IKZF1: variants seen among roughly 807,000 people sequenced by gnomAD.
IKZF1 encodes the protein DNA-binding protein Ikaros.
In IKZF1, 10 loss-of-function variants were observed where a neutral mutation model predicts 51.7. The observed-to-expected ratio is 0.19, with a 90% CI of 0.12 to 0.33. IKZF1 has a LOEUF of 0.33. Ranked by LOEUF, IKZF1 falls within the 10% of genes least tolerant of loss-of-function variation. The pLI, the probability that IKZF1 is intolerant of heterozygous loss-of-function variation, is 1.00. For missense variants in IKZF1, 484 were observed against 707.5 expected (o/e 0.68, Z 3.58); for synonymous variants, 280 against 282.3 (o/e 0.99, Z 0.08).
At chr7:50,353,480 C>A (rs1802404895) in intron 3 of IKZF1, among the ~76,000 whole-genome samples, 1 of 152,156 alleles carries the variant, frequency 6.6e-6, no homozygotes, top group African/African-American at 2.4e-5. Flanking sequence ...AAAGAAGTTG[C>A]CCTCCTCCCT....
At chr7:50,312,398 A>G (rs180829767) in intron 1 of IKZF1, among the ~76,000 whole-genome samples, 2 of 152,316 alleles carry the variant, frequency 1.3e-5, no homozygotes, top group African/African-American at 4.8e-5. Flanking sequence ...GAGACAATAC[A>G]ATATGCCTGT....
chr7:50,355,511 G>T (rs1473009856), intron 3 of IKZF1, among the ~76,000 whole-genome samples: 1 of 152,164 alleles, frequency 6.6e-6, no homozygotes. Context: ...TGGAAACCCT[G>T]TGCCCACTGG....
chr7:50,366,852 G>A (rs1379707495), intron 3 of IKZF1, among the ~76,000 whole-genome samples: 1 of 152,194 alleles, frequency 6.6e-6, no homozygotes, highest in Non-Finnish European at 1.5e-5. Context: ...TTGTAAAACT[G>A]GCTGCTTGCA....
intron 3 of IKZF1, among the ~76,000 whole-genome samples, chr7:50,329,655 A>G (rs1274237906): frequency 6.6e-6 from 1 of 152,204 alleles, no homozygotes; most frequent in Non-Finnish European, 1.5e-5. Context: ...TTAGTCCCTG[A>G]AGCACCCAGC....
At chr7:50,320,385 A>G (rs1714375058) in intron 2 of IKZF1, among the ~76,000 whole-genome samples, 1 of 152,232 alleles carries the variant, frequency 6.6e-6, no homozygotes, top group African/African-American at 2.4e-5. Context: ...TAATCGGATC[A>G]GGTAAATCAG....
intron 3 of IKZF1, among the ~76,000 whole-genome samples, chr7:50,365,999 A>G (rs369447016): frequency 2.0e-5 from 3 of 152,320 alleles, no homozygotes; most frequent in East Asian, 3.9e-4. Flanking sequence ...GCTGGAGGCC[A>G]TTATCCTTAG....
rs751434569 is a variant in IKZF1, at chr7:50,400,309, G to A, written c.1242G>A (p.Leu414=). Residue 414 remains leucine, a synonymous_variant, in exon 8 of 8, where the codon CTG becomes CTA. Transcript: ENST00000331340. This position sits in a 1 kb window ranked among gnomAD's most constrained non-coding sequence, Gnocchi z 5.4. ...NEEQRSGLIY[L]TNHIAPHARN... ...AGCAGCGCAGCGGTCTCATCTACCT[G>A]ACCAACCACATCGCCCCGCACGCGC... 1.2e-6 allele frequency: 2 copies of A among 1,612,780 alleles called. No homozygotes were observed. Among genetic ancestry groups the A allele is most frequent in the South Asian group, 1.1e-5 (1 of 91,054 alleles).
At chr7:50,392,145 G>A (rs373952011) in intron 7 of IKZF1, among the ~76,000 whole-genome samples, 12 of 152,278 alleles carry the variant, frequency 7.9e-5, no homozygotes, top group African/African-American at 2.4e-4. Context: ...CTGCACCAGC[G>A]TGCACAGGGT....
At chr7:50,342,921 A>T (rs1218284316) in intron 3 of IKZF1, among the ~76,000 whole-genome samples, 1 of 152,226 alleles carries the variant, frequency 6.6e-6, no homozygotes, top group Non-Finnish European at 1.5e-5. Flanking sequence ...AAAAAGGCAC[A>T]GATTCGTCAT....
chr7:50,329,246 C>T (rs955370677), intron 3 of IKZF1, among the ~76,000 whole-genome samples: 1 of 150,868 alleles, frequency 6.6e-6, no homozygotes, highest in African/African-American at 2.4e-5. Context: ...TAGATGAATC[C>T]AGAAAACAAG....
rs192102690 is a variant in IKZF1 at position 50,369,119 on chromosome 7, T to C, written c.161-7414T>C. 499 of 234,042 alleles carry C rather than the reference T, an allele frequency of 2.1e-3. 2 individuals carry two copies. The highest frequency in any genetic ancestry group is 1.7e-3 in the Non-Finnish European group (206 of 119,198). 14.5% of individuals were successfully genotyped at this position (234,042 alleles called of 1,614,324 possible). A position where few individuals can be genotyped will look rare whatever the true frequency, so the allele number is the denominator to read the frequency against. ...CTTGATACCTACTTTTTGAGATGTA[T>C]ATGTATGTACTTGTAAATGCTTATA... is the stretch of plus-strand genomic sequence containing the variant. On this transcript the variant is annotated intron_variant, in intron 3 of 7. Coordinates refer to ENST00000331340, the MANE Select transcript of IKZF1 (RefSeq NM_006060.6).
At chr7:50,309,560 A>G (rs1409178315) in intron 1 of IKZF1, among the ~76,000 whole-genome samples, 1 of 152,194 alleles carries the variant, frequency 6.6e-6, no homozygotes, top group African/African-American at 2.4e-5. Context: ...CCTTACACAT[A>G]TTGAAGTAGA....
At chr7:50,333,174 A>T (rs1796795637) in intron 3 of IKZF1, among the ~76,000 whole-genome samples, 1 of 151,930 alleles carries the variant, frequency 6.6e-6, no homozygotes, top group African/African-American at 2.4e-5. Flanking sequence ...AATCTTTTTT[A>T]TTCATTCAAT....
chr7:50,367,315 CGTGTGTGTGTGTGT>C (rs143406270), intron 3 of IKZF1, among the ~76,000 whole-genome samples: 2 of 150,468 alleles, frequency 1.3e-5, no homozygotes, highest in African/African-American at 2.4e-5. Context: ...AAAGATTGTG[CGTGTGTGTGTGTGT>C]GTGTACACAT....
chr7:50,378,974 G>C (rs1023234178), intron 4 of IKZF1, among the ~76,000 whole-genome samples: 2 of 152,232 alleles, frequency 1.3e-5, no homozygotes. Flanking sequence ...CATTTTCCTG[G>C]GATCTGAGTG....
chr7:50,317,580 CT>C (rs1425414305), intron 1 of IKZF1, among the ~76,000 whole-genome samples: 2 of 152,218 alleles, frequency 1.3e-5, no homozygotes, highest in East Asian at 3.9e-4. Context: ...AATACTTTTT[CT>C]GTACAGTGGC....
At chr7:50,399,843 T>C in intron 7 of IKZF1, 75 bp from the exon 8 acceptor site, 2 of 1,519,004 alleles carry the variant, frequency 1.3e-6, no homozygotes, top group Non-Finnish European at 8.8e-7. Flanking sequence ...CGGTTGTAGA[T>C]TTCAGCTGTT....
intron 3 of IKZF1, among the ~76,000 whole-genome samples, chr7:50,362,550 CT>C (rs1467085759): frequency 6.6e-6 from 1 of 152,190 alleles, no homozygotes; most frequent in Non-Finnish European, 1.5e-5. Flanking sequence ...TAGATGTTAT[CT>C]TTATCTGCGT....
chr7:50,387,262 G>T, intron 5 of IKZF1, 83 bp from the exon 6 acceptor site: 3 of 1,441,834 alleles, frequency 2.1e-6, no homozygotes, highest in Non-Finnish European at 2.8e-6. Flanking sequence ...AACTTTTTTG[G>T]TAATAATTGT....
Sources: allele counts gnomAD v4.1 joint callset (sites outside exome capture counted in the v4.1 genomes callset), GRCh38; gene constraint gnomAD v4.1.1; non-coding constraint Gnocchi (gnomAD v3.1); transcripts MANE v1.5; gene names NCBI Gene and HGNC (gene_info 2026-07-23, HGNC 2026-07-21).